Variants in PCDHGA2 observed in about 807,000 individuals in gnomAD.
The protein encoded by PCDHGA2 is protocadherin gamma-A2.
Under a neutral mutation model 59.2 loss-of-function variants are expected in PCDHGA2, and 40 were observed. The observed-to-expected ratio is 0.68, with a 90% CI of 0.52 to 0.88. The LOEUF (loss-of-function observed/expected upper bound fraction) is 0.88, where lower values mean the gene tolerates loss of function less well. PCDHGA2 is among the 40% of genes least tolerant of loss of function. PCDHGA2 has a pLI of 0.00. For missense variants in PCDHGA2, 1,226 were observed against 1,204.0 expected (o/e 1.02, Z -0.27); for synonymous variants, 560 against 526.0 (o/e 1.06, Z -0.89).
intron 1 of PCDHGA2, among the ~76,000 whole-genome samples, chr5:141,455,204 T>G (rs1173402170): frequency 6.6e-6 from 1 of 152,052 alleles, no homozygotes; most frequent in Admixed American, 6.6e-5. Context: ...TTACAACCAA[T>G]AAGAGTTTTT....
intron 1 of PCDHGA2, chr5:141,404,764 C>G: frequency 6.2e-7 from 1 of 1,613,920 alleles, no homozygotes; most frequent in Non-Finnish European, 8.5e-7. Context: ...ATGCTTGGCT[C>G]TCCTACCGCC....
At position 141,421,233 on chromosome 5, in the gene PCDHGA2, G is replaced by A. The variant is rs201076931; in HGVS notation, c.2425-73574G>A. Reference sequence around the variant, plus strand: ...ATATCGGCTTAGAGCCTGCCATGGCGAATCGGCTACAGCGCGGGGACCGCA... The same window carrying A: ...ATATCGGCTTAGAGCCTGCCATGGCAAATCGGCTACAGCGCGGGGACCGCA... On this transcript the variant is annotated intron_variant, in intron 1 of 3. Coordinates refer to ENST00000394576, the MANE Select transcript of PCDHGA2 (RefSeq NM_018915.4). 1.4e-3 allele frequency: 2,185 copies of A among 1,592,236 alleles called. 58 individuals are homozygous for A. In the South Asian group the frequency reaches 0.024, roughly 17 times the overall value.
intron 1 of PCDHGA2, chr5:141,383,002 G>C (rs376825891): frequency 1.2e-6 from 2 of 1,613,768 alleles, no homozygotes; most frequent in African/African-American, 1.3e-5. Context: ...TCTCTACTCC[G>C]TGTCGGAGGA....
In PCDHGA2 at chr5:141,371,087, T is replaced by C. The variant is rs761408104; in HGVS notation, c.2424+29692T>C. ...GCTGTACCACCCAGATCAGGGTAAT[T>C]GTCGCAGATGCAAATGATAACCCCC... On this transcript the variant is annotated intron_variant, in intron 1 of 3. Transcript: ENST00000394576. 8 of 1,613,772 alleles carry C rather than the reference T, an allele frequency of 5.0e-6. No individual in the cohort carries two copies. The South Asian group carries it at 8.8e-5, about 18-fold the overall frequency.
Position 141,340,009 on chromosome 5 carries a change from A to G in PCDHGA2, c.1038A>G (p.Glu346=). Residue 346 remains glutamate, a synonymous_variant, in exon 1 of 4, where the codon GAA becomes GAG. Coordinates refer to ENST00000394576, the MANE Select transcript of PCDHGA2 (RefSeq NM_018915.4). The part of the protein sequence containing the change: ...TVLDVNDNAP[E]FYMTSATSSV... ...TGGATGTGAATGACAATGCCCCAGA[A>G]TTTTACATGACATCTGCTACTAGCT... 1 of 1,614,158 alleles carries G rather than the reference A, an allele frequency of 6.2e-7. No homozygotes were observed. The highest frequency in any genetic ancestry group is 8.5e-7 in the Non-Finnish European group (1 of 1,180,028).
Position 141,338,960 on chromosome 5 carries a change from G to C in PCDHGA2, c.-12G>C, listed in dbSNP as rs780062832. 1 of 1,524,800 alleles carries C rather than the reference G, an allele frequency of 6.6e-7. No homozygotes were observed. Among genetic ancestry groups the C allele is most frequent in the East Asian group, 2.3e-5 (1 of 43,944 alleles). The allele number at this position is 1,524,800 out of a possible 1,614,324, so 94.5% of individuals were successfully genotyped here. ...TGGAAGTTGACTCGGAGAAAATTGCGACAGGAGGGAAATGGCGGCTCTGCA... is the reference window on the plus strand; with the variant it reads ...TGGAAGTTGACTCGGAGAAAATTGCCACAGGAGGGAAATGGCGGCTCTGCA... On this transcript the variant is annotated 5_prime_UTR_variant, in exon 1 of 4. Transcript: ENST00000394576.
At chr5:141,415,739 GGTTTTTTTT>G in intron 1 of PCDHGA2, 5 of 434,942 alleles carry the variant, frequency 1.1e-5, no homozygotes, top group African/African-American at 9.8e-5. Context: ...TGTTTATTAA[GGTTTTTTTT>G]TTTTTTTTTT....
At chr5:141,422,781 A>C (rs746943605) in intron 1 of PCDHGA2, 13 of 1,613,964 alleles carry the variant, frequency 8.1e-6, no homozygotes, top group African/African-American at 1.3e-5. Flanking sequence ...TCTATGCCCT[A>C]CAATCCTTCG....
chr5:141,388,555 G>A, intron 1 of PCDHGA2: 1 of 1,613,826 alleles, frequency 6.2e-7, no homozygotes, highest in Non-Finnish European at 8.5e-7. Context: ...CCCCTAAGCA[G>A]CACTGCACAG....
intron 1 of PCDHGA2, chr5:141,344,374 T>G (rs1428173642): frequency 6.2e-7 from 1 of 1,613,068 alleles, no homozygotes; most frequent in African/African-American, 1.3e-5. Flanking sequence ...GAGGATAAAT[T>G]GAAAATTTTT....
chr5:141,399,559 G>T (rs1589373313), intron 1 of PCDHGA2: 1 of 1,614,038 alleles, frequency 6.2e-7, no homozygotes, highest in African/African-American at 1.3e-5. Context: ...CCTGGACTTG[G>T]GGTTGAACGG....
At chr5:141,444,865 G>A (rs1038923777) in intron 1 of PCDHGA2, among the ~76,000 whole-genome samples, 1 of 152,098 alleles carries the variant, frequency 6.6e-6, no homozygotes, top group Non-Finnish European at 1.5e-5. Flanking sequence ...TCTTACTACA[G>A]GACAAAGCTT....
intron 1 of PCDHGA2, among the ~76,000 whole-genome samples, chr5:141,437,491 T>C (rs1428543921): frequency 6.6e-6 from 1 of 152,184 alleles, no homozygotes; most frequent in Non-Finnish European, 1.5e-5. Flanking sequence ...ATCTCGTAGA[T>C]CACTTTTCAA....
Position 141,403,062 on chromosome 5 carries a change from A to G in PCDHGA2, c.2424+61667A>G, listed in dbSNP as rs780758422. On this transcript the variant is annotated intron_variant, in intron 1 of 3. Transcript: ENST00000394576. ...AGTCAGATTCGCTACTCAGTGCCTG[A>G]AGAGACAGAAAAGGGCTATATTGTG... is the stretch of plus-strand genomic sequence containing the variant. The G allele has an allele frequency of 7.4e-6, 12 of 1,613,964 alleles. 1 individual carries two copies. The South Asian group carries it at 1.1e-4, about 15-fold the overall frequency.
chr5:141,440,667 T>C (rs1330266877), intron 1 of PCDHGA2: 1 of 152,218 alleles, frequency 6.6e-6, no homozygotes, highest in East Asian at 1.9e-4. Context: ...GCAGCAACTC[T>C]ATATTTCTCT....
In PCDHGA2 at chr5:141,340,398, C is replaced by G; in HGVS notation, c.1427C>G (p.Ala476Gly). ...PRGASVFSVT[A>G]HDPDSNDNAH... is the part of the protein sequence containing the mutation. ...GGAGCCTCTGTCTTCTCAGTGACGG[C>G]CCATGACCCCGACAGCAACGACAAT... Residue 476 changes from alanine (A) to glycine (G), a missense_variant, in exon 1 of 4, where the codon GCC becomes GGC. Physicochemically the swap from Ala to Gly is moderately conservative, Grantham distance 60. Transcript: ENST00000394576. 1 of 1,614,172 alleles carries G rather than the reference C, an allele frequency of 6.2e-7. No individual in the cohort carries two copies. Among genetic ancestry groups the G allele is most frequent in the Non-Finnish European group, 8.5e-7 (1 of 1,180,028 alleles).
In PCDHGA2 at chr5:141,414,837, G is replaced by C. The variant is rs776651290; in HGVS notation, c.2424+73442G>C. On this transcript the variant is annotated intron_variant, in intron 1 of 3. Coordinates refer to ENST00000394576, the MANE Select transcript of PCDHGA2 (RefSeq NM_018915.4). ...TCAGCAGCAACGTGTCGTTGAGCCT[G>C]TTTGTGCTGGACCAGAACGACAATG... The C allele has an allele frequency of 2.4e-5, 38 of 1,614,232 alleles. No homozygotes were observed. In the Admixed American group the frequency reaches 5.8e-4, roughly 25 times the overall value.
chr5:141,467,878 C>T (rs937986234), intron 1 of PCDHGA2, among the ~76,000 whole-genome samples: 8 of 151,998 alleles, frequency 5.3e-5, no homozygotes, highest in Non-Finnish European at 7.4e-5. Flanking sequence ...AGGCTGGTCT[C>T]AAACTCCTGA....
At chr5:141,364,094 A>G (rs4151697) in intron 1 of PCDHGA2, 43,426 of 397,716 alleles carry the variant, frequency 0.11, 3,266 homozygotes, top group African/African-American at 0.28. Context: ...ATGGAATTTG[A>G]TGCAGTCACT....
Sources: gnomAD v4.1 joint callset for allele counts (sites outside exome capture counted in the v4.1 genomes callset) on GRCh38, gnomAD v4.1.1 for gene constraint, MANE v1.5 for transcripts, NCBI Gene and HGNC (gene_info 2026-07-23, HGNC 2026-07-21) for gene names.